IFNAR1: variants seen among roughly 807,000 people sequenced by gnomAD.
IFNAR1 encodes interferon alpha/beta receptor 1.
Under a neutral mutation model 62.1 loss-of-function variants are expected in IFNAR1, and 47 were observed. The observed-to-expected ratio is 0.76, with a 90% CI of 0.60 to 0.97. The LOEUF is 0.97. Ranked by LOEUF, IFNAR1 falls within the 50% of genes least tolerant of loss-of-function variation. The probability of loss-of-function intolerance (pLI) is 0.00; values close to 1 mark genes in which losing one functional copy is unlikely to be tolerated. For missense variants in IFNAR1, 638 were observed against 654.5 expected (o/e 0.97, Z 0.27); for synonymous variants, 219 against 226.9 (o/e 0.97, Z 0.31).
chr21:33,350,810 G>A (rs374032955), intron 8 of IFNAR1, among the ~76,000 whole-genome samples: 3 of 152,220 alleles, frequency 2.0e-5, no homozygotes, highest in African/African-American at 4.8e-5. Flanking sequence ...AATTATGGTC[G>A]GTTTTCAGAT....
chr21:33,341,855 A>G (rs1259441809), intron 3 of IFNAR1, among the ~76,000 whole-genome samples: 1 of 151,868 alleles, frequency 6.6e-6, no homozygotes, highest in Non-Finnish European at 1.5e-5. Flanking sequence ...CCAATTTTGT[A>G]TTTTTAGTAG....
At chr21:33,340,062 A>G (rs2083280082) in intron 2 of IFNAR1, among the ~76,000 whole-genome samples, 1 of 151,148 alleles carries the variant, frequency 6.6e-6, no homozygotes, top group Non-Finnish European at 1.5e-5. Flanking sequence ...TTTATTTTTC[A>G]TGTTTGCCCC....
intron 1 of IFNAR1, among the ~76,000 whole-genome samples, chr21:33,333,807 T>C (rs1463773707): frequency 6.6e-6 from 1 of 151,822 alleles, no homozygotes; most frequent in African/African-American, 2.4e-5. Context: ...GTATTTTTAG[T>C]AGAGACGGGG....
At position 33,357,336 on chromosome 21, in the gene IFNAR1, C is replaced by G. The variant is rs1045248917; in HGVS notation, c.*1787C>G. ...CTGCCCTCGGGAGGGCTGTGATGCT[C>G]GGCACATCCTGCCTGGCACATACAC... On this transcript the variant is annotated 3_prime_UTR_variant, in exon 11 of 11. Transcript: ENST00000270139. 6.6e-6 allele frequency: 1 copy of G among 152,188 alleles called. No individual in the cohort carries two copies. 9.4% of individuals were successfully genotyped at this position (152,188 alleles called of 1,614,324 possible).
At chr21:33,352,648 C>G in intron 8 of IFNAR1, 110 bp from the exon 9 acceptor site, 1 of 559,944 alleles carries the variant, frequency 1.8e-6, no homozygotes, top group East Asian at 2.8e-5. Flanking sequence ...TACATACCAA[C>G]TACGTGGGAG....
chr21:33,325,218 A>G, intron 1 of IFNAR1, 87 bp downstream of exon 1: 1 of 1,143,350 alleles, frequency 8.7e-7, no homozygotes, highest in South Asian at 1.3e-5. Flanking sequence ...GTTGGGGGCG[A>G]CAGACGCCCA....
At chr21:33,334,633 A>AG in intron 1 of IFNAR1, 1 of 666,408 alleles carries the variant, frequency 1.5e-6, no homozygotes, top group Non-Finnish European at 2.8e-6. Flanking sequence ...GTGCAGATTC[A>AG]GGCAGGTGCA....
In IFNAR1 at chr21:33,345,483, T is replaced by A. The variant is rs377567318; in HGVS notation, c.788+123T>A. The stretch of plus-strand genomic sequence containing the variant: ...CGACTGGGAGGTGGGTACGATATAT[T>A]GGAAACGTGAGAAATCTCATTTCTA... On this transcript the variant is annotated intron_variant, in intron 6 of 10. Transcript: ENST00000270139. 7 of 661,080 alleles carry A rather than the reference T, an allele frequency of 1.1e-5. 1 individual carries two copies. The highest frequency in any genetic ancestry group is 5.6e-5 in the East Asian group (2 of 36,010). The allele number at this position is 661,080 out of a possible 1,614,324, so 41.0% of individuals were successfully genotyped here. A position where few individuals can be genotyped will look rare whatever the true frequency, so the allele number is the denominator to read the frequency against.
Position 33,343,641 on chromosome 21 carries a change from G to T in IFNAR1, c.638G>T (p.Gly213Val). 1 of 1,609,376 alleles carries T rather than the reference G, an allele frequency of 6.2e-7. No individual in the cohort carries two copies. Among genetic ancestry groups the T allele is most frequent in the Non-Finnish European group, 8.5e-7 (1 of 1,176,016 alleles). ...GCACTACTTACGTCATGGAAAATTGGTGTCTATAGTCCAGTACATTGTATA... is the reference window on the plus strand; with the variant it reads ...GCACTACTTACGTCATGGAAAATTGTTGTCTATAGTCCAGTACATTGTATA... Reference protein sequence around the residue: ...KAALLTSWKIGVYSPVHCIKT... With the variant: ...KAALLTSWKIVVYSPVHCIKT... Residue 213 changes from glycine (G) to valine (V), a missense_variant, in exon 5 of 11, where the codon GGT (glycine) becomes GTT (valine). By Grantham distance (109) the Gly-to-Val change is moderately radical (BLOSUM62 -3). Transcript: ENST00000270139.
In IFNAR1 at chr21:33,343,558, C is replaced by T; in HGVS notation, c.555C>T (p.Ser185=). 2 of 1,548,706 alleles carry T rather than the reference C, an allele frequency of 1.3e-6. No individual in the cohort carries two copies. The highest frequency in any genetic ancestry group is 1.8e-6 in the Non-Finnish European group (2 of 1,123,308). The change falls in exon 5 of 11, where the codon TCC becomes TCT. Residue 185 remains serine (S), a synonymous_variant. Transcript: ENST00000270139. ...GVEERIENIY[S]RHKIYKLSPE... Reference sequence around the variant, plus strand: ...AGGAAAGGATTGAAAATATTTATTCCAGACATAAAATTTATAAACTCTCAC... The same window carrying T: ...AGGAAAGGATTGAAAATATTTATTCTAGACATAAAATTTATAAACTCTCAC...
intron 6 of IFNAR1, among the ~76,000 whole-genome samples, chr21:33,347,128 A>C: frequency 9.7e-6 from 1 of 102,848 alleles, no homozygotes; most frequent in Non-Finnish European, 1.8e-5. Context: ...TGACCTCTAG[A>C]TCCTTTTTTT....
intron 1 of IFNAR1, among the ~76,000 whole-genome samples, chr21:33,327,662 A>C (rs1020320575): frequency 6.6e-6 from 1 of 152,160 alleles, no homozygotes; most frequent in Non-Finnish European, 1.5e-5. Context: ...GTGAGCCCAA[A>C]AATATCTGAG....
At chr21:33,346,066 C>T (rs933400745) in intron 6 of IFNAR1, among the ~76,000 whole-genome samples, 1 of 152,086 alleles carries the variant, frequency 6.6e-6, no homozygotes, top group Non-Finnish European at 1.5e-5. Flanking sequence ...TGCACTGCAG[C>T]CTGGGCAACA....
In IFNAR1 at chr21:33,335,530, A is replaced by G. The variant is rs1302842958; in HGVS notation, c.83A>G (p.Lys28Arg). Residue 28 changes from lysine (K) to arginine (R), a missense_variant, in exon 2 of 11, where the codon AAA becomes AGA. Transcript: ENST00000270139. ...TTTCTTGTTGCTTTTATAGGTGGAA[A>G]AAATCTAAAATCTCCTCAAAAAGTA... is the stretch of plus-strand genomic sequence containing the variant. ...PWVLSAAAGG[K>R]NLKSPQKVEV... 3 of 1,586,294 alleles carry G rather than the reference A, an allele frequency of 1.9e-6. No individual in the cohort carries two copies. The highest frequency in any genetic ancestry group is 2.6e-6 in the Non-Finnish European group (3 of 1,160,536).
Position 33,349,584 on chromosome 21 carries a change from T to C in IFNAR1, c.1143+41T>C, listed in dbSNP as rs772055172. 43 of 1,386,206 alleles carry C rather than the reference T, an allele frequency of 3.1e-5. No homozygotes were observed. In the South Asian group the frequency reaches 5.3e-4, roughly 17 times the overall value. 85.9% of individuals were successfully genotyped at this position (1,386,206 alleles called of 1,614,324 possible). On this transcript the variant is annotated intron_variant, in intron 8 of 10. Transcript: ENST00000270139. ...AGTATAATTTTGTAACTTAGAGTTA[T>C]AATTATGATTTGGGTAAATAAAGCT...
rs536748275 is a variant in IFNAR1 at position 33,337,711 on chromosome 21, G to T, written c.200+2064G>T. On this transcript the variant is annotated intron_variant, in intron 2 of 10. Transcript: ENST00000270139. ...CTGTATACATACATATACACACATT[G>T]TGTATACATACATATACACACATTG... Among the ~76,000 whole-genome samples the T allele has an allele frequency of 2.3e-3, 322 of 140,920 alleles. 4 individuals are homozygous for T. The highest frequency in any genetic ancestry group is 7.5e-3 in the African/African-American group (303 of 40,574). The allele number at this position is 140,920 out of a possible 152,430, so 92.4% of individuals were successfully genotyped here. A position where few individuals can be genotyped will look rare whatever the true frequency, so the allele number is the denominator to read the frequency against.
chr21:33,357,810 G>C lies in IFNAR1; in HGVS notation c.*2261G>C, dbSNP rs1239031051. On this transcript the variant is annotated 3_prime_UTR_variant, in exon 11 of 11. Coordinates refer to ENST00000270139, the MANE Select transcript of IFNAR1 (RefSeq NM_000629.3). ...CCCAAAGTTCTGGGATTACAGGTGTGAGCCACCGTGCACGGCCGGCCTGAC... is the reference window on the plus strand; with the variant it reads ...CCCAAAGTTCTGGGATTACAGGTGTCAGCCACCGTGCACGGCCGGCCTGAC... The C allele has an allele frequency of 6.6e-6, 1 of 152,362 alleles. No individual in the cohort carries two copies. Among genetic ancestry groups the C allele is most frequent in the African/African-American group, 2.4e-5 (1 of 41,440 alleles). 9.4% of individuals were successfully genotyped at this position (152,362 alleles called of 1,614,324 possible). A position where few individuals can be genotyped will look rare whatever the true frequency, so the allele number is the denominator to read the frequency against.
In IFNAR1 at chr21:33,325,038, A is replaced by C. The variant is rs1293820308; in HGVS notation, c.-18A>C. 2 of 1,582,498 alleles carry C rather than the reference A, an allele frequency of 1.3e-6. No homozygotes were observed. Among genetic ancestry groups the C allele is most frequent in the Non-Finnish European group, 1.7e-6 (2 of 1,165,226 alleles). On this transcript the variant is annotated 5_prime_UTR_variant, in exon 1 of 11. Coordinates refer to ENST00000270139, the MANE Select transcript of IFNAR1 (RefSeq NM_000629.3). ...CGTGCGCGAACATGTAACTGGTGGG[A>C]TCTGCGGCGGCTCCCAGATGATGGT...
chr21:33,350,202 A>C (rs550784180), intron 8 of IFNAR1, among the ~76,000 whole-genome samples: 2 of 150,370 alleles, frequency 1.3e-5, no homozygotes, highest in Admixed American at 1.3e-4. Flanking sequence ...TGTCCAGTGC[A>C]GTGCAGGATG....
Sources: gnomAD v4.1 joint callset for allele counts (sites outside exome capture counted in the v4.1 genomes callset) on GRCh38, gnomAD v4.1.1 for gene constraint, MANE v1.5 for transcripts, NCBI Gene and HGNC (gene_info 2026-07-23, HGNC 2026-07-21) for gene names.